The following SGSM1 variants were observed in gnomAD, a reference collection of about 807,000 sequenced individuals.
The protein encoded by SGSM1 is RUN and TBC1 domain containing 2.
A neutral mutation model predicts 133.8 loss-of-function variants in SGSM1; 73 were observed. The ratio of observed to expected loss-of-function variants is 0.55; its 90% CI spans 0.45 to 0.66. The LOEUF (loss-of-function observed/expected upper bound fraction) is 0.66, where lower values mean the gene tolerates loss of function less well. Among genes scored for constraint, SGSM1 ranks in the 30% least tolerant of loss-of-function variants. SGSM1 has a pLI of 0.00. For synonymous variants in SGSM1, 563 were observed against 573.0 expected (o/e 0.98, Z 0.25); for missense variants, 1,213 against 1,448.1 (o/e 0.84, Z 2.64).
rs1226218501 is a variant in SGSM1, at chr22:24,926,713, A to T, written c.*2439A>T. 1 of 152,104 alleles carries T rather than the reference A, an allele frequency of 6.6e-6. No homozygotes were observed. Among genetic ancestry groups the T allele is most frequent in the Non-Finnish European group, 1.5e-5 (1 of 68,006 alleles). 9.4% of individuals were successfully genotyped at this position (152,104 alleles called of 1,614,324 possible). A position where few individuals can be genotyped will look rare whatever the true frequency, so the allele number is the denominator to read the frequency against. ...GTTGTGTGTGTTTCTGTGTCCTGGA[A>T]TTGGATGCGTGGGACTCGTTCTGTC... On this transcript the variant is annotated 3_prime_UTR_variant, in exon 25 of 25. Transcript: ENST00000400358.
At chr22:24,836,178 C>T (rs1029499799) in intron 2 of SGSM1, among the ~76,000 whole-genome samples, 4 of 152,156 alleles carry the variant, frequency 2.6e-5, no homozygotes, top group Non-Finnish European at 5.9e-5. Flanking sequence ...ACTCTAAGTA[C>T]CTCTTATAAG....
chr22:24,828,963 G>A (rs931540851), intron 2 of SGSM1, among the ~76,000 whole-genome samples: 4 of 152,180 alleles, frequency 2.6e-5, no homozygotes, highest in Non-Finnish European at 4.4e-5. Context: ...GGAGGCTGAG[G>A]CAGGCGGAAC....
intron 2 of SGSM1, among the ~76,000 whole-genome samples, chr22:24,833,186 C>T (rs1018518876): frequency 1.3e-5 from 2 of 151,676 alleles, no homozygotes; most frequent in Admixed American, 6.6e-5. Context: ...CTACCCTCCT[C>T]GGCCTCCCAA....
At chr22:24,848,870 G>A (rs1369096950) in intron 4 of SGSM1, among the ~76,000 whole-genome samples, 1 of 152,228 alleles carries the variant, frequency 6.6e-6, no homozygotes, top group Non-Finnish European at 1.5e-5. Context: ...CCTGCCCAGG[G>A]CTGCTGGCCA....
At chr22:24,809,862 G>T (rs1927630114) in intron 2 of SGSM1, among the ~76,000 whole-genome samples, 1 of 152,154 alleles carries the variant, frequency 6.6e-6, no homozygotes, top group South Asian at 2.1e-4. Context: ...CCCAAAACAG[G>T]GACAACTGAC....
chr22:24,866,468 GAA>G (rs2147871466), intron 9 of SGSM1, among the ~76,000 whole-genome samples: 1 of 152,324 alleles, frequency 6.6e-6, no homozygotes, highest in East Asian at 1.9e-4. Context: ...GCCAGTTAGA[GAA>G]AACGAAATTC....
chr22:24,876,056 C>A (rs182364789), intron 12 of SGSM1, among the ~76,000 whole-genome samples: 31 of 152,294 alleles, frequency 2.0e-4, no homozygotes, highest in Admixed American at 1.7e-3. Context: ...ATGTTTGAGA[C>A]CCACTTGCTG....
chr22:24,852,152 C>T (rs926250183), intron 5 of SGSM1, among the ~76,000 whole-genome samples: 1 of 152,126 alleles, frequency 6.6e-6, no homozygotes. Flanking sequence ...AATTGCCTAA[C>T]CCCAATGATA....
intron 2 of SGSM1, chr22:24,844,290 C>T (rs1488956762): frequency 6.6e-6 from 1 of 152,280 alleles, no homozygotes; most frequent in African/African-American, 2.4e-5. Flanking sequence ...AATCCAAGCA[C>T]TTTTGGAGGC....
At chr22:24,920,040 G>A (rs765697098) in intron 24 of SGSM1, 47 bp downstream of exon 24, 2 of 1,545,120 alleles carry the variant, frequency 1.3e-6, no homozygotes, top group South Asian at 1.2e-5. Context: ...GGCTTCTGGA[G>A]GCCCCTTTTG....
chr22:24,826,934 C>T (rs1928832351), intron 2 of SGSM1, among the ~76,000 whole-genome samples: 1 of 152,106 alleles, frequency 6.6e-6, no homozygotes, highest in African/African-American at 2.4e-5. Context: ...GGCCCAAGGT[C>T]ACCCAGCAAA....
rs1044477064 is a variant in SGSM1 at position 24,806,273 on chromosome 22, C to T, written c.-53C>T. ...GCAGCGCCGCGGCCGGAGGAGCTAC[C>T]GCCGCCACCGCCGCCACCGCCTCCT... is the stretch of plus-strand genomic sequence containing the variant. On this transcript the variant is annotated 5_prime_UTR_variant, in exon 1 of 25. Coordinates refer to ENST00000400358, the MANE Select transcript of SGSM1 (RefSeq NM_001098497.3). 8.6e-6 allele frequency: 12 copies of T among 1,399,956 alleles called. No homozygotes were observed. The highest frequency in any genetic ancestry group is 1.1e-5 in the Non-Finnish European group (12 of 1,082,112). The allele number at this position is 1,399,956 out of a possible 1,614,324, so 86.7% of individuals were successfully genotyped here.
intron 2 of SGSM1, among the ~76,000 whole-genome samples, chr22:24,810,208 A>G (rs1927653684): frequency 6.6e-6 from 1 of 152,158 alleles, no homozygotes; most frequent in Admixed American, 6.5e-5. Context: ...AATCTTAGAC[A>G]AGATCTGTCT....
chr22:24,839,334 G>A (rs564556676), intron 2 of SGSM1, among the ~76,000 whole-genome samples: 15 of 152,330 alleles, frequency 9.8e-5, no homozygotes, highest in East Asian at 3.8e-4. Flanking sequence ...AAAGTGCTGG[G>A]ATTATAGGCA....
intron 2 of SGSM1, among the ~76,000 whole-genome samples, chr22:24,816,368 A>G (rs1023868620): frequency 2.6e-5 from 4 of 152,150 alleles, no homozygotes; most frequent in African/African-American, 9.7e-5. Context: ...TAATAAACAT[A>G]AACAAAATGA....
At chr22:24,818,042 G>A (rs1397494730) in intron 2 of SGSM1, among the ~76,000 whole-genome samples, 2 of 104,362 alleles carry the variant, frequency 1.9e-5, no homozygotes, top group East Asian at 1.0e-3. Context: ...TACCAGCCTG[G>A]CCAACATGAT....
In SGSM1 at chr22:24,847,801, G is replaced by C; in HGVS notation, c.302+5G>C. ...GGAGCAGCTGATCGAGAGCGCGTGAGTGCAAAGCATGGGGCACAGGTGGGA... is the reference window on the plus strand; with the variant it reads ...GGAGCAGCTGATCGAGAGCGCGTGACTGCAAAGCATGGGGCACAGGTGGGA... On this transcript the variant is annotated splice_donor_5th_base_variant and intron_variant, in intron 4 of 24. Transcript: ENST00000400358. The C allele has an allele frequency of 6.2e-7, 1 of 1,613,188 alleles. No individual in the cohort carries two copies. Among genetic ancestry groups the C allele is most frequent in the Non-Finnish European group, 8.5e-7 (1 of 1,179,464 alleles).
intron 20 of SGSM1, among the ~76,000 whole-genome samples, chr22:24,904,669 A>G (rs964647696): frequency 2.0e-5 from 3 of 152,196 alleles, no homozygotes; most frequent in East Asian, 1.9e-4. Context: ...ACAGATTGCA[A>G]TTCCTGACAA....
At chr22:24,844,729 C>A in intron 2 of SGSM1, 168 bp from the exon 3 acceptor site, 1 of 590,876 alleles carries the variant, frequency 1.7e-6, no homozygotes, top group East Asian at 2.8e-5. Context: ...TGACAGGCCT[C>A]AGACCTCCAA....
Sources: allele counts gnomAD v4.1 joint callset (sites outside exome capture counted in the v4.1 genomes callset), GRCh38; gene constraint gnomAD v4.1.1; transcripts MANE v1.5; gene names NCBI Gene and HGNC (gene_info 2026-07-23, HGNC 2026-07-21).